Variants in CFAP61 observed in about 807,000 individuals in gnomAD.
The protein encoded by CFAP61 is cilia- and flagella-associated protein 61.
Under a neutral mutation model 135.6 loss-of-function variants are expected in CFAP61, and 107 were observed. The observed-to-expected ratio is 0.79, with a 90% CI of 0.67 to 0.93. The LOEUF (loss-of-function observed/expected upper bound fraction) is 0.93. CFAP61 is among the 40% of genes least tolerant of loss of function. The pLI is 0.00. For synonymous variants in CFAP61, 575 were observed against 578.5 expected (o/e 0.99, Z 0.09); for missense variants, 1,507 against 1,556.2 (o/e 0.97, Z 0.53).
At position 20,146,013 on chromosome 20, in the gene CFAP61, G is replaced by T. The variant is rs372756696; in HGVS notation, c.951+3065G>T. Among the ~76,000 whole-genome samples, 4 of 152,328 alleles carry T rather than the reference G, an allele frequency of 2.6e-5. 1 individual carries two copies. Among genetic ancestry groups the T allele is most frequent in the African/African-American group, 7.2e-5 (3 of 41,568 alleles). ...CCAGCCTTGCCCCACCTCCTGGCCT[G>T]GGTAGCTGAAGTGCAGCACAGTGGC... On this transcript the variant is annotated intron_variant, in intron 9 of 26. Coordinates refer to ENST00000245957, the MANE Select transcript of CFAP61 (RefSeq NM_015585.4).
At chr20:20,062,707 T>C (rs758777885) in intron 2 of CFAP61, among the ~76,000 whole-genome samples, 5 of 152,182 alleles carry the variant, frequency 3.3e-5, no homozygotes, top group Admixed American at 6.5e-5. Flanking sequence ...AAGGGCATTA[T>C]AGATCCACAA....
intron 25 of CFAP61, among the ~76,000 whole-genome samples, chr20:20,336,688 G>T (rs550713739): frequency 6.6e-6 from 1 of 152,044 alleles, no homozygotes; most frequent in Non-Finnish European, 1.5e-5. Context: ...CACAGAAAAC[G>T]ATTGATTCCC....
intron 25 of CFAP61, among the ~76,000 whole-genome samples, chr20:20,331,996 T>A (rs192248592): frequency 3.3e-5 from 5 of 152,376 alleles, no homozygotes; most frequent in African/African-American, 4.8e-5. Context: ...ATACTATTAG[T>A]GCTGAACTTA....
At chr20:20,160,133 G>A (rs1359460494) in intron 10 of CFAP61, among the ~76,000 whole-genome samples, 1 of 152,230 alleles carries the variant, frequency 6.6e-6, no homozygotes, top group African/African-American at 2.4e-5. Flanking sequence ...AGAGGAGGGT[G>A]TTGTAGGCTT....
intron 26 of CFAP61, among the ~76,000 whole-genome samples, chr20:20,346,250 C>T (rs1267860339): frequency 6.1e-5 from 9 of 148,142 alleles, no homozygotes; most frequent in African/African-American, 9.9e-5. Context: ...AACTCTGTGG[C>T]TTATGCCTGT....
At chr20:20,209,379 T>C (rs2047468043) in intron 17 of CFAP61, among the ~76,000 whole-genome samples, 1 of 152,244 alleles carries the variant, frequency 6.6e-6, no homozygotes, top group African/African-American at 2.4e-5. Flanking sequence ...GTAAAGTTAC[T>C]ATCTCTTTAA....
chr20:20,125,918 G>A (rs2146707065), intron 8 of CFAP61, among the ~76,000 whole-genome samples: 1 of 151,788 alleles, frequency 6.6e-6, no homozygotes, highest in South Asian at 2.1e-4. Context: ...TATATGTTTA[G>A]GATTGTGATA....
rs532565211 is a variant in CFAP61, at chr20:20,215,694, G to A, written c.1933-12555G>A. Among the ~76,000 whole-genome samples, 91 of 152,174 alleles carry A rather than the reference G, an allele frequency of 6.0e-4. 1 individual carries two copies. The highest frequency in any genetic ancestry group is 5.8e-3 in the Admixed American group (89 of 15,282). ...CCTTTTGTTTGCCATTTCTAGTTTT[G>A]AAAGGTTTTAACCATGATTTCTTTT... On this transcript the variant is annotated intron_variant, in intron 17 of 26. Coordinates refer to ENST00000245957, the MANE Select transcript of CFAP61 (RefSeq NM_015585.4).
chr20:20,358,699 A>C (rs935184309), intron 26 of CFAP61, among the ~76,000 whole-genome samples: 1 of 152,174 alleles, frequency 6.6e-6, no homozygotes, highest in Non-Finnish European at 1.5e-5. Flanking sequence ...TGCTCTTTCC[A>C]ATGTGTGCAT....
chr20:20,344,839 G>A (rs368020568), intron 26 of CFAP61, among the ~76,000 whole-genome samples: 6 of 152,124 alleles, frequency 3.9e-5, no homozygotes, highest in African/African-American at 1.4e-4. Flanking sequence ...AGCCGAGATA[G>A]GGGATTAACC....
rs936895956 is a variant in CFAP61, at chr20:20,172,624, CT to C, written c.1385+3171del. ...TGAGGCACCACACCTGGCCAATAAA[CT>C]TTTTTTCCAAAAAGTAGTTTTAGGT... is the stretch of plus-strand genomic sequence containing the variant. On this transcript the variant is annotated intron_variant, in intron 13 of 26. Coordinates refer to ENST00000245957, the MANE Select transcript of CFAP61 (RefSeq NM_015585.4). Among the ~76,000 whole-genome samples, 21 of 152,262 alleles carry C rather than the reference CT, an allele frequency of 1.4e-4. 1 individual carries two copies. Among genetic ancestry groups the C allele is most frequent in the African/African-American group, 5.1e-4 (21 of 41,558 alleles).
chr20:20,206,753 C>CAT lies in CFAP61; in HGVS notation c.1932+6864_1932+6865dup, dbSNP rs142288798. On this transcript the variant is annotated intron_variant, in intron 17 of 26. Coordinates refer to ENST00000245957, the MANE Select transcript of CFAP61 (RefSeq NM_015585.4). ...CAGGTTTTTGGGTATATATATATAC[C>CAT]ATATATATATATATGTTTTCATTTG... 5.9e-3 allele frequency among the ~76,000 whole-genome samples: 879 copies of CAT among 149,744 alleles called. 10 individuals carry two copies. Among genetic ancestry groups the CAT allele is most frequent in the African/African-American group, 0.018 (749 of 40,790 alleles).
At chr20:20,273,684 G>A (rs1347487321) in intron 21 of CFAP61, among the ~76,000 whole-genome samples, 1 of 152,206 alleles carries the variant, frequency 6.6e-6, no homozygotes, top group Non-Finnish European at 1.5e-5. Context: ...TAGGCTCCAG[G>A]GATAACATGA....
intron 25 of CFAP61, among the ~76,000 whole-genome samples, chr20:20,327,797 AAAAAAAAAC>A (rs1225858778): frequency 1.4e-4 from 10 of 70,136 alleles, no homozygotes; most frequent in African/African-American, 6.4e-4. Context: ...AAAAAAAAAA[AAAAAAAAAC>A]AGAAGAAACA....
intron 26 of CFAP61, among the ~76,000 whole-genome samples, chr20:20,355,250 G>A (rs1203536954): frequency 6.8e-6 from 1 of 146,520 alleles, no homozygotes; most frequent in Non-Finnish European, 1.5e-5. Flanking sequence ...GTCACACTGT[G>A]AGAGGAGGTG....
intron 8 of CFAP61, among the ~76,000 whole-genome samples, chr20:20,107,135 CAAA>C (rs2048465091): frequency 4.6e-5 from 7 of 152,184 alleles, no homozygotes; most frequent in Non-Finnish European, 5.9e-5. Flanking sequence ...GTTCTGTTTA[CAAA>C]GAGTTTTTGA....
At chr20:20,272,645 A>G (rs1362679351) in intron 21 of CFAP61, among the ~76,000 whole-genome samples, 2 of 152,106 alleles carry the variant, frequency 1.3e-5, no homozygotes, top group Non-Finnish European at 2.9e-5. Flanking sequence ...GGCTCCGGTC[A>G]TTATTCACTT....
chr20:20,067,093 TAAAAA>T (rs554114024), intron 2 of CFAP61, among the ~76,000 whole-genome samples: 1 of 143,680 alleles, frequency 7.0e-6, no homozygotes, highest in Non-Finnish European at 1.5e-5. Flanking sequence ...ATCTGACTCT[TAAAAA>T]AAAAAAAGAA....
chr20:20,295,002 C>CA (rs34065472), intron 24 of CFAP61, among the ~76,000 whole-genome samples: 36,944 of 149,608 alleles, frequency 0.25, 4,905 homozygotes, highest in Middle Eastern at 0.4. Context: ...AAGTCCATAA[C>CA]AAAAAAAATC....
Sources: gnomAD v4.1 joint callset for allele counts (sites outside exome capture counted in the v4.1 genomes callset) on GRCh38, gnomAD v4.1.1 for gene constraint, MANE v1.5 for transcripts, NCBI Gene and HGNC (gene_info 2026-07-23, HGNC 2026-07-21) for gene names.